MEPCE: variants seen among roughly 807,000 people sequenced by gnomAD.
The protein encoded by MEPCE is methylphosphate capping enzyme.
Under a neutral mutation model 52.3 loss-of-function variants are expected in MEPCE, and 9 were observed. That is an observed-to-expected ratio of 0.17 (90% CI 0.10 to 0.30). MEPCE has a LOEUF of 0.30. Among genes scored for constraint, MEPCE ranks in the 10% least tolerant of loss-of-function variants. The pLI, the probability that MEPCE is intolerant of heterozygous loss-of-function variation, is 1.00. For missense variants in MEPCE, 826 were observed against 933.0 expected (o/e 0.89, Z 1.49); for synonymous variants, 477 against 401.6 (o/e 1.19, Z -2.25).
At position 100,433,244 on chromosome 7, in the gene MEPCE, C is replaced by T; in HGVS notation, c.1891-19C>T. Reference sequence around the variant, plus strand: ...GGAGGCGGCAGCGTGCTGAAGTGGTCCCTTGCCTCTCTCCTTAGGAAACGA... The same window carrying T: ...GGAGGCGGCAGCGTGCTGAAGTGGTTCCTTGCCTCTCTCCTTAGGAAACGA... On this transcript the variant is annotated intron_variant, in intron 2 of 3. Coordinates refer to ENST00000310512, the MANE Select transcript of MEPCE (RefSeq NM_019606.6). 3 of 1,614,092 alleles carry T rather than the reference C, an allele frequency of 1.9e-6. No homozygotes were observed. Among genetic ancestry groups the T allele is most frequent in the Non-Finnish European group, 2.5e-6 (3 of 1,180,020 alleles).
chr7:100,429,774 G>C, upstream of MEPCE: 1 of 384,578 alleles, frequency 2.6e-6, no homozygotes, highest in Non-Finnish European at 4.6e-6. Context: ...AGTGGCGGAG[G>C]AGAAAGGGGT....
Position 100,430,694 on chromosome 7 carries a change from C to A in MEPCE, c.676C>A (p.Pro226Thr). 1 of 1,613,892 alleles carries A rather than the reference C, an allele frequency of 6.2e-7. No individual in the cohort carries two copies. Among genetic ancestry groups the A allele is most frequent in the South Asian group, 1.1e-5 (1 of 91,084 alleles). The change falls in exon 1 of 4, where the codon CCG becomes ACG. Residue 226 changes from proline (P) to threonine (T), a missense_variant. Physicochemically the swap from Pro to Thr is conservative, Grantham distance 38. Transcript: ENST00000310512. ...SSPLPAKGRD[P>T]VEILIPKDIT... ...CCCCCTTCCGGCCAAAGGGCGAGAT[C>A]CGGTGGAGATCCTCATCCCCAAAGA... is the stretch of plus-strand genomic sequence containing the variant.
chr7:100,433,590 C>G lies in MEPCE; in HGVS notation c.*36C>G. 1 of 1,601,696 alleles carries G rather than the reference C, an allele frequency of 6.2e-7. No homozygotes were observed. Among genetic ancestry groups the G allele is most frequent in the Non-Finnish European group, 8.5e-7 (1 of 1,170,958 alleles). ...AAACAGAAAGTGTGAAGAGGCTGCC[C>G]TCGCTGCTCATAAGGACCTGGGGGA... is the stretch of plus-strand genomic sequence containing the variant. On this transcript the variant is annotated 3_prime_UTR_variant, in exon 4 of 4. Transcript: ENST00000310512.
chr7:100,434,000 AGGGAGG>A lies in MEPCE; in HGVS notation c.*447_*452del. ...TGAGGGTTAGACGGGGAAGACTGGC[AGGGAGG>A]CACGCAGGTACTGTGAAAATCCTTC... On this transcript the variant is annotated 3_prime_UTR_variant, in exon 4 of 4. Transcript: ENST00000310512. The A allele has an allele frequency of 5.8e-6, 1 of 171,868 alleles. No homozygotes were observed. The highest frequency in any genetic ancestry group is 1.4e-4 in the South Asian group (1 of 7,270). 10.6% of individuals were successfully genotyped at this position (171,868 alleles called of 1,614,324 possible).
At chr7:100,429,232 G>T (rs780688705), upstream of MEPCE, 5 of 152,198 alleles carry the variant, frequency 3.3e-5, no homozygotes, top group Non-Finnish European at 7.3e-5. Context: ...CGCCCCTCCG[G>T]ATCGCGCTGA....
At position 100,430,145 on chromosome 7, in the gene MEPCE, C is replaced by G; in HGVS notation, c.127C>G (p.Leu43Val). The G allele has an allele frequency of 7.8e-7, 1 of 1,287,794 alleles. No homozygotes were observed. Among genetic ancestry groups the G allele is most frequent in the African/African-American group, 1.5e-5 (1 of 64,748 alleles). 79.8% of individuals were successfully genotyped at this position (1,287,794 alleles called of 1,614,324 possible). A position where few individuals can be genotyped will look rare whatever the true frequency, so the allele number is the denominator to read the frequency against. The change falls in exon 1 of 4, where the codon CTC (leucine) becomes GTC (valine). Residue 43 changes from leucine to valine, a missense_variant. Leu to Val is a conservative substitution (Grantham distance 32). Coordinates refer to ENST00000310512, the MANE Select transcript of MEPCE (RefSeq NM_019606.6). ...GCACCAAGAGGCCGCCTCTGGGGAG[C>G]TCCGCGGCGGGACGGAGCGTGGTCC... ...PPHQEAASGE[L>V]RGGTERGPGR...
rs1584321174 is a variant in MEPCE at position 100,430,242 on chromosome 7, C to G, written c.224C>G (p.Thr75Ser). ...CGGGAAAGCCCCGGGGCCGCGGCCACCTCCTCCAGTGGTCCCCAGGCGCAG... is the reference window on the plus strand; with the variant it reads ...CGGGAAAGCCCCGGGGCCGCGGCCAGCTCCTCCAGTGGTCCCCAGGCGCAG... ...VGRESPGAAATSSSGPQAQQH... is the reference protein window; with the variant it reads ...VGRESPGAAASSSSGPQAQQH... The change falls in exon 1 of 4, where the codon ACC becomes AGC. Residue 75 changes from threonine (T) to serine (S), a missense_variant. Coordinates refer to ENST00000310512, the MANE Select transcript of MEPCE (RefSeq NM_019606.6). 2 of 1,345,506 alleles carry G rather than the reference C, an allele frequency of 1.5e-6. No individual in the cohort carries two copies. The highest frequency in any genetic ancestry group is 3.7e-5 in the Admixed American group (1 of 26,830). 83.3% of individuals were successfully genotyped at this position (1,345,506 alleles called of 1,614,324 possible).
Position 100,431,572 on chromosome 7 carries a change from A to G in MEPCE, c.1554A>G (p.Arg518=), listed in dbSNP as rs746360903. ...AEGEEGTTTV[R]KRSCFPASLT... ...GTGAGGAAGGGACCACCACCGTTCGAAAGAGGAGCTGCTTCCCAGCCTCGC... is the reference window on the plus strand; with the variant it reads ...GTGAGGAAGGGACCACCACCGTTCGGAAGAGGAGCTGCTTCCCAGCCTCGC... Residue 518 remains arginine, a synonymous_variant, in exon 1 of 4, where the codon CGA becomes CGG. Coordinates refer to ENST00000310512, the MANE Select transcript of MEPCE (RefSeq NM_019606.6). 2 of 1,612,196 alleles carry G rather than the reference A, an allele frequency of 1.2e-6. No homozygotes were observed. The highest frequency in any genetic ancestry group is 1.7e-6 in the Non-Finnish European group (2 of 1,180,016).
Position 100,430,728 on chromosome 7 carries a change from A to G in MEPCE, c.710A>G (p.Asp237Gly). 1 of 1,613,684 alleles carries G rather than the reference A, an allele frequency of 6.2e-7. No homozygotes were observed. Among genetic ancestry groups the G allele is most frequent in the Non-Finnish European group, 8.5e-7 (1 of 1,179,992 alleles). The part of the protein sequence containing the change: ...VEILIPKDIT[D>G]PLSLNTCTDE... ...ATCCTCATCCCCAAAGATATTACTGACCCGCTCAGTCTCAATACTTGCACT... is the reference window on the plus strand; with the variant it reads ...ATCCTCATCCCCAAAGATATTACTGGCCCGCTCAGTCTCAATACTTGCACT... The change falls in exon 1 of 4, where the codon GAC (aspartate) becomes GGC (glycine). Residue 237 changes from aspartate (D) to glycine (G), a missense_variant. This residue lies in a region of MEPCE where 307 missense variants were observed against 292.1 expected (regional missense o/e 1.05). Transcript: ENST00000310512.
rs768949839 is a variant in MEPCE at position 100,430,585 on chromosome 7, C to T, written c.567C>T (p.Gly189=). Residue 189 remains glycine (G), a synonymous_variant, in exon 1 of 4, where the codon GGC becomes GGT. Transcript: ENST00000310512. ...TACCCTCCAACTTCCTCCTGGGGGG[C>T]AATATCTTTGATCCCCTGAACCTGA... ...SVLPSNFLLG[G]NIFDPLNLNS... The T allele has an allele frequency of 4.4e-6, 7 of 1,606,214 alleles. No individual in the cohort carries two copies. The highest frequency in any genetic ancestry group is 1.7e-5 in the Admixed American group (1 of 59,746).
chr7:100,430,984 C>T lies in MEPCE; in HGVS notation c.966C>T (p.Ile322=), dbSNP rs764533627. ...APQPYELNTA[I]NCRDEVVSPL... ...AACCCTATGAACTCAACACAGCCAT[C>T]AACTGCAGGGATGAAGTGGTGTCTC... The change falls in exon 1 of 4, where the codon ATC becomes ATT. Residue 322 remains isoleucine, a synonymous_variant. Coordinates refer to ENST00000310512, the MANE Select transcript of MEPCE (RefSeq NM_019606.6). The T allele has an allele frequency of 6.2e-7, 1 of 1,612,802 alleles. No individual in the cohort carries two copies. The highest frequency in any genetic ancestry group is 1.1e-5 in the South Asian group (1 of 90,968).
rs905845291 is a variant in MEPCE, at chr7:100,433,710, G to A, written c.*156G>A. On this transcript the variant is annotated 3_prime_UTR_variant, in exon 4 of 4. Coordinates refer to ENST00000310512, the MANE Select transcript of MEPCE (RefSeq NM_019606.6). ...AAGCTTTTCTTCCGTCGCTGCCTCAGCCTCCTCCCTATGCCTCTGGCACCT... is the reference window on the plus strand; with the variant it reads ...AAGCTTTTCTTCCGTCGCTGCCTCAACCTCCTCCCTATGCCTCTGGCACCT... 32 of 755,432 alleles carry A rather than the reference G, an allele frequency of 4.2e-5. No homozygotes were observed. The highest frequency in any genetic ancestry group is 4.2e-4 in the African/African-American group (24 of 56,734). 46.8% of individuals were successfully genotyped at this position (755,432 alleles called of 1,614,324 possible).
chr7:100,433,646 T>C lies in MEPCE; in HGVS notation c.*92T>C, dbSNP rs1798790132. 1 of 1,292,136 alleles carries C rather than the reference T, an allele frequency of 7.7e-7. No individual in the cohort carries two copies. Among genetic ancestry groups the C allele is most frequent in the East Asian group, 2.4e-5 (1 of 42,374 alleles). The allele number at this position is 1,292,136 out of a possible 1,614,324, so 80.0% of individuals were successfully genotyped here. A position where few individuals can be genotyped will look rare whatever the true frequency, so the allele number is the denominator to read the frequency against. On this transcript the variant is annotated 3_prime_UTR_variant, in exon 4 of 4. Transcript: ENST00000310512. ...AAAGTGTCCCAAGGTCTTTCCTTTC[T>C]GACTCCAAAAATAGTTTCCTTTCTT...
Position 100,430,828 on chromosome 7 carries a change from C to T in MEPCE, c.810C>T (p.His270=), listed in dbSNP as rs748546536. 1 of 1,611,742 alleles carries T rather than the reference C, an allele frequency of 6.2e-7. No individual in the cohort carries two copies. The highest frequency in any genetic ancestry group is 2.2e-5 in the East Asian group (1 of 44,830). The change falls in exon 1 of 4, where the codon CAC becomes CAT. Residue 270 remains histidine, a synonymous_variant. Transcript: ENST00000310512. ...RKRHRHRGQH[H]QQQQAAGGSE... ...GGCATAGACACCGGGGACAGCACCA[C>T]CAGCAGCAGCAGGCAGCCGGAGGGA...
At chr7:100,429,810 A>C (rs1798500864), upstream of MEPCE, 2 of 410,450 alleles carry the variant, frequency 4.9e-6, no homozygotes, top group Non-Finnish European at 8.4e-6. Context: ...TGAGTCCTCG[A>C]GTAGTTCGGG....
At chr7:100,431,851 G>A (rs1798722425) in intron 1 of MEPCE, among the ~76,000 whole-genome samples, 162 bp downstream of exon 1, 1 of 152,198 alleles carries the variant, frequency 6.6e-6, no homozygotes, top group African/African-American at 2.4e-5. Flanking sequence ...ACCTGGAAAG[G>A]TGGGGTGTCT....
chr7:100,429,702 G>C (rs1453687397), upstream of MEPCE: 1 of 289,488 alleles, frequency 3.5e-6, no homozygotes, highest in East Asian at 5.5e-5. Flanking sequence ...GGCGGAGTGC[G>C]CATGCGTGGT....
Position 100,429,938 on chromosome 7 carries a change from A to G in MEPCE, c.-81A>G. ...TGCGCGCGCACTCGGGAAAGGGGGG[A>G]AGGGAGCAGGGTCCAGGCAGGGGGG... is the stretch of plus-strand genomic sequence containing the variant. On this transcript the variant is annotated 5_prime_UTR_variant, in exon 1 of 4. Coordinates refer to ENST00000310512, the MANE Select transcript of MEPCE (RefSeq NM_019606.6). The G allele has an allele frequency of 9.3e-7, 1 of 1,075,732 alleles. No individual in the cohort carries two copies. The highest frequency in any genetic ancestry group is 1.2e-6 in the Non-Finnish European group (1 of 846,642). 66.6% of individuals were successfully genotyped at this position (1,075,732 alleles called of 1,614,324 possible).
upstream of MEPCE, chr7:100,429,779 A>C (rs1327822134): frequency 2.6e-6 from 1 of 382,266 alleles, no homozygotes. Context: ...CGGAGGAGAA[A>C]GGGGTCGGCG....
Sources: gnomAD v4.1 joint callset for allele counts (sites outside exome capture counted in the v4.1 genomes callset) on GRCh38, gnomAD v4.1.1 for gene constraint, gnomAD v4.1.1 regional missense constraint, MANE v1.5 for transcripts, NCBI Gene and HGNC (gene_info 2026-07-23, HGNC 2026-07-21) for gene names.